The following WWOX variants were observed in gnomAD, a reference collection of about 807,000 sequenced individuals.
WWOX encodes the protein WW domain-containing oxidoreductase.
In WWOX, 69 loss-of-function variants were observed where a neutral mutation model predicts 46.2. That is an observed-to-expected ratio of 1.49 (90% CI 1.23 to 1.82). The LOEUF (loss-of-function observed/expected upper bound fraction) is 1.82, where lower values mean the gene tolerates loss of function less well. Ranked by LOEUF, WWOX falls within the 40% of genes most tolerant of loss-of-function variation. The pLI, the probability that WWOX is intolerant of heterozygous loss-of-function variation, is 0.00. For synonymous variants in WWOX, 359 were observed against 202.6 expected (o/e 1.77, Z -6.56); for missense variants, 919 against 542.6 (o/e 1.69, Z -6.89).
At chr16:78,696,400 A>AT (rs1465289546) in intron 8 of WWOX, among the ~76,000 whole-genome samples, 3 of 152,044 alleles carry the variant, frequency 2.0e-5, no homozygotes, top group Non-Finnish European at 4.4e-5. Context: ...TTTGACTTAG[A>AT]TTTTTTCACC....
intron 8 of WWOX, among the ~76,000 whole-genome samples, chr16:78,993,262 G>T (rs1275948778): frequency 6.6e-6 from 1 of 151,914 alleles, no homozygotes; most frequent in Non-Finnish European, 1.5e-5. Context: ...TTTACTATTT[G>T]GGGGTGGGGG....
chr16:78,772,432 C>G (rs559358648), intron 8 of WWOX, among the ~76,000 whole-genome samples: 1 of 151,866 alleles, frequency 6.6e-6, no homozygotes, highest in Admixed American at 6.6e-5. Context: ...TTTTTTTAAT[C>G]CAATCTGTCA....
At chr16:78,210,467 G>A (rs1373677883) in intron 5 of WWOX, among the ~76,000 whole-genome samples, 1 of 152,002 alleles carries the variant, frequency 6.6e-6, no homozygotes, top group Non-Finnish European at 1.5e-5. Context: ...ACCCACAGTT[G>A]AAACCTGACA....
chr16:79,151,995 G>C (rs543637879), intron 8 of WWOX, among the ~76,000 whole-genome samples: 14 of 152,286 alleles, frequency 9.2e-5, no homozygotes, highest in African/African-American at 3.1e-4. Flanking sequence ...TTACGAAGGG[G>C]GAACTAGTTT....
chr16:78,380,626 C>T (rs1217591592), intron 5 of WWOX, among the ~76,000 whole-genome samples: 2 of 152,122 alleles, frequency 1.3e-5, no homozygotes, highest in African/African-American at 4.8e-5. Flanking sequence ...TAAAACAATA[C>T]ATAATCACAA....
chr16:78,185,432 G>C (rs1028320029), intron 5 of WWOX, among the ~76,000 whole-genome samples: 1 of 151,864 alleles, frequency 6.6e-6, no homozygotes, highest in African/African-American at 2.4e-5. Context: ...ATACACCACA[G>C]TGCATACAAA....
At chr16:78,790,386 C>T (rs906409731) in intron 8 of WWOX, among the ~76,000 whole-genome samples, 4 of 152,126 alleles carry the variant, frequency 2.6e-5, no homozygotes, top group Admixed American at 6.5e-5. Flanking sequence ...TTGCCCGCCC[C>T]AGCCTCCCAA....
At chr16:78,759,471 G>C (rs2049737387) in intron 8 of WWOX, among the ~76,000 whole-genome samples, 1 of 152,162 alleles carries the variant, frequency 6.6e-6, no homozygotes, top group African/African-American at 2.4e-5. Flanking sequence ...TTTTGGTGGT[G>C]TTTGCCCTTG....
chr16:78,806,975 G>T (rs571550392), intron 8 of WWOX, among the ~76,000 whole-genome samples: 1 of 152,278 alleles, frequency 6.6e-6, no homozygotes, highest in East Asian at 1.9e-4. Context: ...CACATGACTG[G>T]GTCTTAGCAT....
intron 8 of WWOX, among the ~76,000 whole-genome samples, chr16:78,530,964 C>G (rs188473593): frequency 4.6e-5 from 7 of 152,198 alleles, no homozygotes; most frequent in African/African-American, 1.7e-4. Flanking sequence ...AAGTTAGGCT[C>G]TGAGAATTGA....
intron 8 of WWOX, among the ~76,000 whole-genome samples, chr16:78,781,198 G>C (rs2050315123): frequency 6.6e-6 from 1 of 152,096 alleles, no homozygotes; most frequent in Non-Finnish European, 1.5e-5. Context: ...TGTGACCCCT[G>C]GCTTGTTCCA....
intron 8 of WWOX, among the ~76,000 whole-genome samples, chr16:78,508,303 G>GC (rs2085268091): frequency 7.7e-6 from 1 of 129,890 alleles, no homozygotes; most frequent in African/African-American, 3.3e-5. Context: ...GAGCCACTGC[G>GC]CCCGGCCTTT....
chr16:78,358,696 A>G (rs2081348025), intron 5 of WWOX, among the ~76,000 whole-genome samples: 1 of 151,028 alleles, frequency 6.6e-6, no homozygotes, highest in Non-Finnish European at 1.5e-5. Flanking sequence ...GTGTGTGTGT[A>G]TGTACATGAA....
At chr16:78,902,907 A>G (rs2044865592) in intron 8 of WWOX, among the ~76,000 whole-genome samples, 1 of 152,172 alleles carries the variant, frequency 6.6e-6, no homozygotes, top group South Asian at 2.1e-4. Flanking sequence ...ACTTCCTCCT[A>G]GTGTCTTGTA....
chr16:78,967,506 T>C (rs1391828424), intron 8 of WWOX, among the ~76,000 whole-genome samples: 1 of 142,738 alleles, frequency 7.0e-6, no homozygotes, highest in Non-Finnish European at 1.5e-5. Flanking sequence ...GATTTCACCA[T>C]GTTCTCCAGG....
intron 8 of WWOX, among the ~76,000 whole-genome samples, chr16:78,619,461 G>A (rs759848940): frequency 7.4e-5 from 11 of 149,108 alleles, no homozygotes; most frequent in African/African-American, 2.0e-4. Flanking sequence ...TGGGTGACCC[G>A]CACCCACATG....
chr16:78,316,704 C>A (rs1171931858), intron 5 of WWOX, among the ~76,000 whole-genome samples: 1 of 152,132 alleles, frequency 6.6e-6, no homozygotes, highest in African/African-American at 2.4e-5. Flanking sequence ...TTTTCTGCTG[C>A]TTTATCCAAC....
chr16:79,121,834 AT>A (rs2049638585), intron 8 of WWOX, among the ~76,000 whole-genome samples: 1 of 152,174 alleles, frequency 6.6e-6, no homozygotes, highest in Admixed American at 6.5e-5. Flanking sequence ...TAAACCAAAC[AT>A]TGGGATATTA....
At chr16:79,036,907 A>G (rs191044230) in intron 8 of WWOX, among the ~76,000 whole-genome samples, 46 of 152,324 alleles carry the variant, frequency 3.0e-4, no homozygotes, top group Admixed American at 8.5e-4. Flanking sequence ...TCAGATGGGC[A>G]ATAAGTGGTT....
Sources: gnomAD v4.1 joint callset for allele counts (sites outside exome capture counted in the v4.1 genomes callset) on GRCh38, gnomAD v4.1.1 for gene constraint, MANE v1.5 for transcripts, NCBI Gene and HGNC (gene_info 2026-07-23, HGNC 2026-07-21) for gene names.